MYO19: variants seen among roughly 807,000 people sequenced by gnomAD.
MYO19 encodes myosin XIX.
In MYO19, 132 loss-of-function variants were observed where a neutral mutation model predicts 129.2. That is an observed-to-expected ratio of 1.02 (90% confidence interval 0.89 to 1.18). The LOEUF (loss-of-function observed/expected upper bound fraction) is 1.18, where lower values mean the gene tolerates loss of function less well. Ranked by LOEUF, MYO19 falls within the 50% of genes most tolerant of loss-of-function variation. MYO19 has a pLI of 0.00. For missense variants in MYO19, 1,210 were observed against 1,216.7 expected (o/e 0.99, Z 0.08); for synonymous variants, 531 against 477.2 (o/e 1.11, Z -1.47).
At chr17:36,518,060 A>G (rs1053607613) in intron 6 of MYO19, among the ~76,000 whole-genome samples, 21 of 151,732 alleles carry the variant, frequency 1.4e-4, no homozygotes, top group African/African-American at 5.1e-4. Context: ...GTTGCACTCC[A>G]GCCTGGGCAA....
At chr17:36,496,735 T>C (rs941580831) in intron 25 of MYO19, among the ~76,000 whole-genome samples, 5 of 152,198 alleles carry the variant, frequency 3.3e-5, no homozygotes, top group African/African-American at 4.8e-5. Context: ...TTCCTCTGAA[T>C]GGAAATTTGG....
intron 6 of MYO19, among the ~76,000 whole-genome samples, chr17:36,522,457 C>A (rs189388297): frequency 2.8e-3 from 423 of 151,730 alleles, no homozygotes; most frequent in Non-Finnish European, 3.1e-3. Flanking sequence ...TTGCAGTGAG[C>A]CGAGATCACA....
chr17:36,513,627 A>C lies in MYO19; in HGVS notation c.817+2T>G. The C allele has an allele frequency of 6.2e-7, 1 of 1,613,924 alleles. No individual in the cohort carries two copies. On this transcript the variant is annotated splice_donor_variant, in intron 10 of 25. Coordinates refer to ENST00000614623, the MANE Select transcript of MYO19 (RefSeq NM_001163735.2). LOFTEE classifies it high-confidence loss of function. ...CAAGGTGCTGGATGGGGCTCCCCTT[A>C]CCTTCTAAGCTCCTCTCTGGGTTGG...
rs145269447 is a variant in MYO19, at chr17:36,520,223, G to A, written c.415-4233C>T. Among the ~76,000 whole-genome samples the A allele has an allele frequency of 1.2e-3, 182 of 152,206 alleles. 1 individual carries two copies. Among genetic ancestry groups the A allele is most frequent in the African/African-American group, 4.3e-3 (177 of 41,526 alleles). On this transcript the variant is annotated intron_variant, in intron 6 of 25. Coordinates refer to ENST00000614623, the MANE Select transcript of MYO19 (RefSeq NM_001163735.2). ...ACTCCTGACCTCAAATGATCTGCCT[G>A]CCTCAGCCTCCCAAAGTGCTGGGAT...
rs1487875930 is a variant in MYO19, at chr17:36,511,364, C to T, written c.985+1G>A. 1 of 1,572,692 alleles carries T rather than the reference C, an allele frequency of 6.4e-7. No individual in the cohort carries two copies. Among genetic ancestry groups the T allele is most frequent in the Middle Eastern group, 1.7e-4 (1 of 6,010 alleles). On this transcript the variant is annotated splice_donor_variant, in intron 12 of 25. Transcript: ENST00000614623. LOFTEE classifies it high-confidence loss of function. The stretch of plus-strand genomic sequence containing the variant: ...GCCCCATCCTACACCCTGACCCTCA[C>T]ACTTGGCATCATCCATCGGCTGGCA...
chr17:36,504,104 G>C, intron 19 of MYO19, 84 bp from the exon 20 acceptor site: 1 of 1,164,074 alleles, frequency 8.6e-7, no homozygotes, highest in Non-Finnish European at 1.2e-6. Context: ...CTTCTTCTTA[G>C]ACCCTGGCCA....
rs183461441 is a variant in MYO19 at position 36,498,567 on chromosome 17, A to G, written c.2464-8T>C. ...AAGGCAGGCCATTCTGATCTTAAAA[A>G]GCAAATATCCCTTTATAGCTTTAGA... On this transcript the variant is annotated splice_region_variant and splice_polypyrimidine_tract_variant and intron_variant, in intron 24 of 25. Coordinates refer to ENST00000614623, the MANE Select transcript of MYO19 (RefSeq NM_001163735.2). 173 of 1,605,342 alleles carry G rather than the reference A, an allele frequency of 1.1e-4. 1 individual carries two copies. The African/African-American group carries it at 2.2e-3, about 20-fold the overall frequency.
At chr17:36,499,397 G>A (rs2071297411) in intron 23 of MYO19, 2 of 338,598 alleles carry the variant, frequency 5.9e-6, no homozygotes, top group African/African-American at 4.2e-5. Flanking sequence ...AAGGGGCACT[G>A]GGGAGAAGGA....
In MYO19 at chr17:36,522,960, T is replaced by C. The variant is rs151199064; in HGVS notation, c.414+2268A>G. ...GGCAGAAGTTGCAGTGAGCCAAGAT[T>C]GTGCCACTGCACTCCAGCCTGGGCA... On this transcript the variant is annotated intron_variant, in intron 6 of 25. Transcript: ENST00000614623. Among the ~76,000 whole-genome samples the C allele has an allele frequency of 5.5e-3, 817 of 149,708 alleles. 9 individuals carry two copies. Among genetic ancestry groups the C allele is most frequent in the African/African-American group, 0.019 (789 of 40,560 alleles).
At position 36,498,308 on chromosome 17, in the gene MYO19, T is replaced by C; in HGVS notation, c.2715A>G (p.Ala905=). The change falls in exon 25 of 26, where the codon GCA becomes GCG. Residue 905 remains alanine (A), a synonymous_variant. Transcript: ENST00000614623. ...GSPSSYTVQT[A]QDQAGVTSIR... ...TGGACGTGACACCAGCCTGGTCTTG[T>C]GCTGTCTGGACAGTGTAGCTACTGG... The C allele has an allele frequency of 6.2e-7, 1 of 1,613,936 alleles. No homozygotes were observed. The highest frequency in any genetic ancestry group is 8.5e-7 in the Non-Finnish European group (1 of 1,179,884).
At chr17:36,511,864 G>A (rs1383794760) in intron 11 of MYO19, among the ~76,000 whole-genome samples, 1 of 152,208 alleles carries the variant, frequency 6.6e-6, no homozygotes, top group Non-Finnish European at 1.5e-5. Context: ...GCCTGCTGGA[G>A]GCTTGTCTCT....
chr17:36,507,688 A>G, intron 15 of MYO19, 115 bp downstream of exon 15: 1 of 1,339,108 alleles, frequency 7.5e-7, no homozygotes, highest in Non-Finnish European at 1.0e-6. Flanking sequence ...TCAATTAAAA[A>G]TAAAATAAGA....
intron 5 of MYO19, among the ~76,000 whole-genome samples, chr17:36,527,321 CA>C (rs2073534880): frequency 6.6e-6 from 1 of 152,056 alleles, no homozygotes; most frequent in Non-Finnish European, 1.5e-5. Flanking sequence ...TTTTAGGTTC[CA>C]AACTCAGTTA....
chr17:36,502,052 G>C (rs552653505), intron 21 of MYO19: 2 of 153,298 alleles, frequency 1.3e-5, no homozygotes, highest in South Asian at 2.1e-4. Flanking sequence ...CTGCCCAGGA[G>C]GGGAGGAAAC....
intron 6 of MYO19, among the ~76,000 whole-genome samples, chr17:36,518,555 T>C (rs1178155058): frequency 1.8e-5 from 1 of 56,604 alleles, no homozygotes; most frequent in Non-Finnish European, 3.7e-5. Context: ...TATATATATG[T>C]GTATGTGTAT....
At chr17:36,498,866 T>G in intron 24 of MYO19, 3 of 592,976 alleles carry the variant, frequency 5.1e-6, no homozygotes, top group Non-Finnish European at 9.0e-6. Context: ...TTCCCAGAGT[T>G]GCTTATACCA....
intron 13 of MYO19, 60 bp downstream of exon 13, chr17:36,510,686 C>G: frequency 6.6e-7 from 1 of 1,512,490 alleles, no homozygotes; most frequent in Non-Finnish European, 8.9e-7. Flanking sequence ...TGGCCCAACC[C>G]CGGACAGGAA....
chr17:36,510,982 G>C, intron 12 of MYO19, 65 bp from the exon 13 acceptor site: 1 of 1,498,144 alleles, frequency 6.7e-7, no homozygotes, highest in Non-Finnish European at 9.0e-7. Flanking sequence ...GAGGCACTGT[G>C]AAGTCATCAC....
chr17:36,511,010 C>G, intron 12 of MYO19, 93 bp from the exon 13 acceptor site: 1 of 1,368,500 alleles, frequency 7.3e-7, no homozygotes, highest in Non-Finnish European at 9.9e-7. Context: ...CCATGACTTG[C>G]CCAACTGGAC....
Sources: allele counts gnomAD v4.1 joint callset (sites outside exome capture counted in the v4.1 genomes callset), GRCh38; gene constraint gnomAD v4.1.1; transcripts MANE v1.5; gene names NCBI Gene and HGNC (gene_info 2026-07-23, HGNC 2026-07-21).